AKR7A3: variants seen among roughly 807,000 people sequenced by gnomAD.
AKR7A3 encodes AFB1 aldehyde reductase 2.
In AKR7A3, 37 loss-of-function variants were observed where a neutral mutation model predicts 32.5. The ratio of observed to expected loss-of-function variants is 1.14; its 90% CI spans 0.88 to 1.50. AKR7A3 has a LOEUF of 1.50. AKR7A3 is among the 40% of genes most tolerant of loss of function. The pLI is 0.00. For missense variants in AKR7A3, 412 were observed against 453.2 expected (o/e 0.91, Z 0.83); for synonymous variants, 177 against 188.4 (o/e 0.94, Z 0.50).
chr1:19,275,372 T>C, the AKR7A3 span, among the ~76,000 whole-genome samples: 2 of 151,224 alleles, frequency 1.3e-5, no homozygotes, highest in Middle Eastern at 3.4e-3. Flanking sequence ...GATCGCACCA[T>C]TGCACTCCAG....
chr1:19,286,446 C>T, intron 1 of AKR7A3, 74 bp from the exon 2 acceptor site: 6 of 1,442,370 alleles, frequency 4.2e-6, no homozygotes, highest in Non-Finnish European at 5.7e-6. Flanking sequence ...CTTTGGGAGA[C>T]TGAGGCAGGC....
intron 5 of AKR7A3, 69 bp from the exon 6 acceptor site, chr1:19,284,194 G>A (rs564971201): frequency 5.2e-6 from 8 of 1,552,502 alleles, no homozygotes; most frequent in Admixed American, 3.8e-5. Context: ...AGCCAACCAG[G>A]GCCACTGTCC....
the AKR7A3 span, among the ~76,000 whole-genome samples, chr1:19,274,784 G>GAAA: frequency 7.4e-6 from 1 of 134,650 alleles, no homozygotes; most frequent in Admixed American, 7.5e-5. Flanking sequence ...TGTCTCAAAA[G>GAAA]AAAAAAAAAA....
intron 1 of AKR7A3, 33 bp from the exon 2 acceptor site, chr1:19,286,405 G>A (rs773400256): frequency 1.2e-6 from 2 of 1,605,198 alleles, no homozygotes; most frequent in East Asian, 4.5e-5. Context: ...TTCAGGGCCA[G>A]GCGCCGTGGC....
chr1:19,288,120 C>G (rs865843142), intron 1 of AKR7A3, among the ~76,000 whole-genome samples: 1 of 152,158 alleles, frequency 6.6e-6, no homozygotes, highest in Non-Finnish European at 1.5e-5. Context: ...AGATCAGGCC[C>G]GTCAAGGGCA....
intron 1 of AKR7A3, 145 bp from the exon 2 acceptor site, chr1:19,286,517 TA>T (rs2093730810): frequency 1.2e-6 from 1 of 817,096 alleles, no homozygotes; most frequent in Non-Finnish European, 1.9e-6. Flanking sequence ...CCATCTCTAA[TA>T]AAAACACAAA....
chr1:19,285,221 T>C, intron 3 of AKR7A3, 107 bp from the exon 4 acceptor site: 3 of 1,076,868 alleles, frequency 2.8e-6, no homozygotes, highest in South Asian at 2.8e-5. Flanking sequence ...TCTAGGACTT[T>C]AACCGTCTGG....
chr1:19,280,669 CACACCAT>C (rs2093717417), downstream of AKR7A3, among the ~76,000 whole-genome samples: 1 of 151,542 alleles, frequency 6.6e-6, no homozygotes. Flanking sequence ...CTCCTGGGTT[CACACCAT>C]TCTCCCGCCT....
downstream of AKR7A3, among the ~76,000 whole-genome samples, chr1:19,279,645 GTTTTTA>G (rs1270956129): frequency 2.0e-5 from 3 of 151,836 alleles, no homozygotes; most frequent in Admixed American, 6.5e-5. Flanking sequence ...ACACATTGTG[GTTTTTA>G]TTTTTATTTC....
In AKR7A3 at chr1:19,285,202, C is replaced by G. The variant is rs1419593014; in HGVS notation, c.508-88G>C. On this transcript the variant is annotated intron_variant, in intron 3 of 6. Transcript: ENST00000361640. Reference sequence around the variant, plus strand: ...CCCTTCCAGAACCCTTATTTCAGACCTTAACAATTCTAGGACTTTAACCGT... The same window carrying G: ...CCCTTCCAGAACCCTTATTTCAGACGTTAACAATTCTAGGACTTTAACCGT... 3.2e-6 allele frequency: 4 copies of G among 1,253,288 alleles called. No individual in the cohort carries two copies. In the Admixed American group the frequency reaches 5.8e-5, roughly 18 times the overall value. The allele number at this position is 1,253,288 out of a possible 1,614,324, so 77.6% of individuals were successfully genotyped here. A position where few individuals can be genotyped will look rare whatever the true frequency, so the allele number is the denominator to read the frequency against.
downstream of AKR7A3, among the ~76,000 whole-genome samples, chr1:19,281,547 A>G (rs1012738577): frequency 3.9e-5 from 6 of 151,930 alleles, 1 homozygote; most frequent in African/African-American, 1.5e-4. Context: ...TGGCAGGAGA[A>G]TCACTTGAAC....
rs1457396261 is a variant in AKR7A3 at position 19,282,706 on chromosome 1, T to C, written c.*25A>G. On this transcript the variant is annotated 3_prime_UTR_variant, in exon 7 of 7. Transcript: ENST00000361640. ...TAACAAAAGATGTTACAGAAGAGCC[T>C]TGGGCAGCCTGAGAAACGATGGGCC... 12 of 1,613,674 alleles carry C rather than the reference T, an allele frequency of 7.4e-6. No homozygotes were observed. The highest frequency in any genetic ancestry group is 9.3e-6 in the Non-Finnish European group (11 of 1,180,022).
At chr1:19,282,122 G>A (rs185155594), downstream of AKR7A3, among the ~76,000 whole-genome samples, 2 of 151,548 alleles carry the variant, frequency 1.3e-5, no homozygotes, top group East Asian at 1.9e-4. Flanking sequence ...TGACATTTGC[G>A]GGGGGGTGGT....
rs752043945 is a variant in AKR7A3, at chr1:19,286,256, A to G, written c.331T>C (p.Tyr111His). The part of the protein sequence containing the change: ...RLQCPRVDLF[Y>H]LHMPDHSTPV... ...GTGCTGTGGTCTGGCATATGCAGGT[A>G]GAAGAGGTCCACTCGGGGACACTGC... Residue 111 changes from tyrosine (Y) to histidine (H), a missense_variant, in exon 2 of 7, where the codon TAC becomes CAC. Transcript: ENST00000361640. The G allele has an allele frequency of 3.0e-5, 49 of 1,613,758 alleles. No individual in the cohort carries two copies. In the Middle Eastern group the frequency reaches 5.1e-4, roughly 17 times the overall value.
Position 19,284,065 on chromosome 1 carries a change from C to A in AKR7A3, c.765G>T (p.Ala255=), listed in dbSNP as rs146835084. 3.0e-4 allele frequency: 484 copies of A among 1,613,718 alleles called. 10 individuals are homozygous for A. In the African/African-American group the frequency reaches 4.3e-3, roughly 14 times the overall value. ...IALVEKALQA[A]YGASAPSMTS... ...TCATGCTGGGGGCGCTGGCGCCATA[C>A]GCGGCCTGCAGGGCCTTCTCCACCA... Residue 255 remains alanine, a synonymous_variant, in exon 6 of 7, where the codon GCG becomes GCT. Coordinates refer to ENST00000361640, the MANE Select transcript of AKR7A3 (RefSeq NM_012067.3).
the AKR7A3 span, among the ~76,000 whole-genome samples, chr1:19,275,002 G>T: frequency 1.3e-5 from 2 of 148,510 alleles, no homozygotes; most frequent in East Asian, 4.0e-4. Context: ...AAATATAAAT[G>T]AAAAAATGCT....
chr1:19,281,674 G>A (rs2093719106), downstream of AKR7A3, among the ~76,000 whole-genome samples: 1 of 151,866 alleles, frequency 6.6e-6, no homozygotes, highest in Admixed American at 6.6e-5. Context: ...AAAGCCAGTT[G>A]GGATTTGGAC....
chr1:19,286,522 A>C, intron 1 of AKR7A3, 150 bp from the exon 2 acceptor site: 1 of 792,082 alleles, frequency 1.3e-6, no homozygotes. Context: ...TCTAATAAAA[A>C]CACAAAAATT....
rs375512195 is a variant in AKR7A3 at position 19,282,813 on chromosome 1, C to T, written c.914G>A (p.Gly305Glu). 11 of 1,613,296 alleles carry T rather than the reference C, an allele frequency of 6.8e-6. No individual in the cohort carries two copies. Among genetic ancestry groups the T allele is most frequent in the South Asian group, 1.1e-5 (1 of 91,058 alleles). ...LEQNLAAAEE[G>E]PLEPAVVDAF... ...GTCCACGACAGCCGGCTCCAGGGGC[C>T]CTTCCTCTGCCGCTGCCAAGTTCTG... is the stretch of plus-strand genomic sequence containing the variant. Residue 305 changes from glycine to glutamate, a missense_variant, in exon 7 of 7, where the codon GGG (glycine) becomes GAG (glutamate). Coordinates refer to ENST00000361640, the MANE Select transcript of AKR7A3 (RefSeq NM_012067.3).
Sources: allele counts gnomAD v4.1 joint callset (sites outside exome capture counted in the v4.1 genomes callset), GRCh38; gene constraint gnomAD v4.1.1; transcripts MANE v1.5; gene names NCBI Gene and HGNC (gene_info 2026-07-23, HGNC 2026-07-21).